Variants in TMPRSS3 observed in about 807,000 individuals in gnomAD.
TMPRSS3 encodes transmembrane serine protease 3.
A neutral mutation model predicts 59.6 loss-of-function variants in TMPRSS3; 55 were observed. The ratio of observed to expected loss-of-function variants is 0.92; its 90% CI spans 0.74 to 1.16. TMPRSS3 has a LOEUF of 1.16. Among genes scored for constraint, TMPRSS3 ranks in the 50% most tolerant of loss-of-function variants. The probability of loss-of-function intolerance (pLI) is 0.00; values close to 1 mark genes in which losing one functional copy is unlikely to be tolerated. For synonymous variants in TMPRSS3, 257 were observed against 237.7 expected (o/e 1.08, Z -0.75); for missense variants, 596 against 579.4 (o/e 1.03, Z -0.29).
At chr21:42,381,842 G>C (rs2052534374) in intron 9 of TMPRSS3, 5 of 687,940 alleles carry the variant, frequency 7.3e-6, no homozygotes, top group Non-Finnish European at 1.3e-5. Flanking sequence ...CATTGTCCAG[G>C]ATACAATTGA....
intron 12 of TMPRSS3, 106 bp downstream of exon 12, chr21:42,375,610 C>T: frequency 6.8e-7 from 1 of 1,460,952 alleles, no homozygotes; most frequent in Non-Finnish European, 9.6e-7. Flanking sequence ...GAATTGACAA[C>T]CACTGGGTCA....
intron 9 of TMPRSS3, 125 bp downstream of exon 9, chr21:42,381,940 A>T: frequency 2.5e-6 from 3 of 1,210,572 alleles, no homozygotes; most frequent in Non-Finnish European, 3.7e-6. Context: ...ATGAATCAGG[A>T]GTTGGAATTA....
At chr21:42,374,690 T>C (rs2052391106) in intron 12 of TMPRSS3, among the ~76,000 whole-genome samples, 1 of 152,124 alleles carries the variant, frequency 6.6e-6, no homozygotes, top group African/African-American at 2.4e-5. Context: ...GTGAATGTGC[T>C]GATGCTACAG....
At chr21:42,373,624 G>A (rs1343402179) in intron 12 of TMPRSS3, among the ~76,000 whole-genome samples, 2 of 152,206 alleles carry the variant, frequency 1.3e-5, no homozygotes, top group East Asian at 3.8e-4. Flanking sequence ...TCCTGAGAGA[G>A]GCTTCTGCAC....
intron 5 of TMPRSS3, among the ~76,000 whole-genome samples, chr21:42,387,150 T>A: frequency 6.6e-6 from 1 of 152,028 alleles, no homozygotes; most frequent in Non-Finnish European, 1.5e-5. Context: ...CTGACTTGGG[T>A]CTGCTGGGTG....
At position 42,372,562 on chromosome 21, in the gene TMPRSS3, A is replaced by G. The variant is rs1568873286; in HGVS notation, c.*200T>C. On this transcript the variant is annotated 3_prime_UTR_variant, in exon 13 of 13. Coordinates refer to ENST00000644384, the MANE Select transcript of TMPRSS3 (RefSeq NM_001256317.3). ...GCAACAGAGCGAGACTCCATCTCAA[A>G]AAAACAAAAAACAAAAAGCAGCTTG... 2 of 722,666 alleles carry G rather than the reference A, an allele frequency of 2.8e-6. No individual in the cohort carries two copies. The highest frequency in any genetic ancestry group is 5.1e-6 in the Non-Finnish European group (2 of 393,580). The allele number at this position is 722,666 out of a possible 1,614,324, so 44.8% of individuals were successfully genotyped here.
chr21:42,372,907 G>GCC (rs1285145634), intron 12 of TMPRSS3, 128 bp from the exon 13 acceptor site: 1 of 1,172,376 alleles, frequency 8.5e-7, no homozygotes, highest in Non-Finnish European at 1.3e-6. Flanking sequence ...TGAAGACAAG[G>GCC]TTGGCCTCCC....
chr21:42,393,997 T>C (rs1233814547), intron 2 of TMPRSS3, among the ~76,000 whole-genome samples: 1 of 152,190 alleles, frequency 6.6e-6, no homozygotes, highest in South Asian at 2.1e-4. Flanking sequence ...TATAGATATA[T>C]AGATAGAAAA....
intron 7 of TMPRSS3, 72 bp from the exon 8 acceptor site, chr21:42,383,270 C>T: frequency 1.3e-6 from 2 of 1,509,132 alleles, no homozygotes; most frequent in Non-Finnish European, 1.8e-6. Context: ...CACCACCATG[C>T]ACCTGCTCCT....
rs536353688 is a variant in TMPRSS3, at chr21:42,372,522, T to C, written c.*240A>G. ...CTGCAGTGAGCAGGGATTTCGCCAC[T>C]GCACTCCAGCCTGGGCAACAGAGCG... On this transcript the variant is annotated 3_prime_UTR_variant, in exon 13 of 13. Transcript: ENST00000644384. 4.6e-6 allele frequency: 3 copies of C among 657,426 alleles called. No individual in the cohort carries two copies. Among genetic ancestry groups the C allele is most frequent in the East Asian group, 6.2e-5 (2 of 32,420 alleles). 40.7% of individuals were successfully genotyped at this position (657,426 alleles called of 1,614,324 possible).
intron 2 of TMPRSS3, among the ~76,000 whole-genome samples, chr21:42,394,770 A>C (rs531934433): frequency 6.4e-4 from 98 of 152,338 alleles, no homozygotes; most frequent in Non-Finnish European, 1.2e-3. Flanking sequence ...CCCTTTGACC[A>C]GTCCTGACTA....
chr21:42,391,573 A>T (rs1307027023), intron 2 of TMPRSS3, among the ~76,000 whole-genome samples: 1 of 152,214 alleles, frequency 6.6e-6, no homozygotes, highest in Non-Finnish European at 1.5e-5. Flanking sequence ...GACCACTGTA[A>T]AGATGAGGGT....
intron 10 of TMPRSS3, among the ~76,000 whole-genome samples, 198 bp downstream of exon 10, chr21:42,379,919 G>T (rs932225662): frequency 3.3e-5 from 5 of 152,128 alleles, no homozygotes; most frequent in Admixed American, 3.3e-4. Flanking sequence ...GGGTCATGTT[G>T]TCCCCATAAC....
rs145734888 is a variant in TMPRSS3 at position 42,376,086 on chromosome 21, C to G, written c.1192-218G>C. Among the ~76,000 whole-genome samples the G allele has an allele frequency of 8.3e-3, 1,269 of 152,300 alleles. 12 individuals are homozygous for G. Among genetic ancestry groups the G allele is most frequent in the Middle Eastern group, 0.014 (4 of 294 alleles). On this transcript the variant is annotated intron_variant, in intron 11 of 12. Transcript: ENST00000644384. ...TCCCTCGGCCCCTTTGGGGTGCTGC[C>G]TCCAGCTGTGTGTCCCTTCCAGAAT...
chr21:42,382,855 C>A (rs1158558958), intron 8 of TMPRSS3, 178 bp downstream of exon 8: 4 of 736,934 alleles, frequency 5.4e-6, no homozygotes, highest in Non-Finnish European at 9.3e-6. Flanking sequence ...CACAAGTTAC[C>A]CCCAGCTGAT....
At chr21:42,378,276 G>A (rs1250001206) in intron 10 of TMPRSS3, among the ~76,000 whole-genome samples, 2 of 152,238 alleles carry the variant, frequency 1.3e-5, no homozygotes, top group African/African-American at 4.8e-5. Flanking sequence ...GCTCCTGGGT[G>A]CCTTCAGCTG....
intron 2 of TMPRSS3, among the ~76,000 whole-genome samples, chr21:42,394,290 A>G (rs2052771286): frequency 6.6e-6 from 1 of 152,142 alleles, no homozygotes; most frequent in African/African-American, 2.4e-5. Flanking sequence ...ACTATGATCA[A>G]ATGGCTGTGT....
At chr21:42,390,944 G>A (rs1344977095) in intron 2 of TMPRSS3, among the ~76,000 whole-genome samples, 1 of 152,184 alleles carries the variant, frequency 6.6e-6, no homozygotes, top group Admixed American at 6.5e-5. Context: ...TTAAGAGGGA[G>A]TATGGCCTTG....
At chr21:42,377,221 G>C (rs1421191673) in intron 10 of TMPRSS3, among the ~76,000 whole-genome samples, 1 of 152,242 alleles carries the variant, frequency 6.6e-6, no homozygotes, top group African/African-American at 2.4e-5. Context: ...TGAGTGGGGA[G>C]ATGATCCCAA....
Sources: gnomAD v4.1 joint callset for allele counts (sites outside exome capture counted in the v4.1 genomes callset) on GRCh38, gnomAD v4.1.1 for gene constraint, MANE v1.5 for transcripts, NCBI Gene and HGNC (gene_info 2026-07-23, HGNC 2026-07-21) for gene names.